Variants in ZNF417 observed in about 807,000 individuals in gnomAD.
The protein encoded by ZNF417 is zinc finger protein 417.
A neutral mutation model predicts 7.4 loss-of-function variants in ZNF417; 5 were observed. The ratio of observed to expected loss-of-function variants is 0.68; its 90% confidence interval spans 0.35 to 1.43. The LOEUF (loss-of-function observed/expected upper bound fraction) is 1.43. Among genes scored for constraint, ZNF417 ranks in the 40% most tolerant of loss-of-function variants. The pLI is 0.04. For synonymous variants in ZNF417, 147 were observed against 239.1 expected (o/e 0.61, Z 3.55); for missense variants, 437 against 697.3 (o/e 0.63, Z 4.20).
chr19:57,910,235 G>A, intron 2 of ZNF417, 121 bp from the exon 3 acceptor site: 1 of 1,475,144 alleles, frequency 6.8e-7, no homozygotes, highest in Non-Finnish European at 9.0e-7. Context: ...GGAACACAAT[G>A]TTGGCTTCAA....
chr19:57,905,933 G>C lies in ZNF417; in HGVS notation c.*2617C>G, dbSNP rs1181118372. Among the ~76,000 whole-genome samples, 2 of 152,138 alleles carry C rather than the reference G, an allele frequency of 1.3e-5. No homozygotes were observed. Among genetic ancestry groups the C allele is most frequent in the East Asian group, 3.9e-4 (2 of 5,190 alleles). On this transcript the variant is annotated 3_prime_UTR_variant, in exon 3 of 3. Transcript: ENST00000312026. ...AGACTAAAATTGCTTAGTACTGAAA[G>C]TTTTGCCTATATAAACTGTAGTTTA...
chr19:57,912,360 C>A (rs2071906741), intron 1 of ZNF417, among the ~76,000 whole-genome samples, 171 bp from the exon 2 acceptor site: 1 of 152,146 alleles, frequency 6.6e-6, no homozygotes, highest in Non-Finnish European at 1.5e-5. Flanking sequence ...CAATTGCCAT[C>A]AGCAATAAGC....
chr19:57,908,845 C>G lies in ZNF417; in HGVS notation c.1433G>C (p.Cys478Ser). ...VCGKLFGNKN[C>S]VTIHQRIHTG... is the part of the protein sequence containing the mutation. Reference sequence around the variant, plus strand: ...GTGAATCCTCTGATGTATAGTCACGCAGTTCTTATTACCAAATAATTTCCC... The same window carrying G: ...GTGAATCCTCTGATGTATAGTCACGGAGTTCTTATTACCAAATAATTTCCC... Residue 478 changes from cysteine (C) to serine (S), a missense_variant, in exon 3 of 3, where the codon TGC (cysteine) becomes TCC (serine). Around this residue, in one of 5 missense-constraint regions of ZNF417, gnomAD observed 233 missense variants for 235.5 expected, o/e 0.99. Coordinates refer to ENST00000312026, the MANE Select transcript of ZNF417 (RefSeq NM_152475.3). The G allele has an allele frequency of 5.0e-6, 8 of 1,614,162 alleles. No individual in the cohort carries two copies. Among genetic ancestry groups the G allele is most frequent in the Non-Finnish European group, 6.8e-6 (8 of 1,180,026 alleles).
rs1293996974 is a variant in ZNF417, at chr19:57,907,356, TAA to T, written c.*1192_*1193del. 1 of 153,712 alleles carries T rather than the reference TAA, an allele frequency of 6.5e-6. No individual in the cohort carries two copies. Among genetic ancestry groups the T allele is most frequent in the Non-Finnish European group, 1.5e-5 (1 of 68,216 alleles). The allele number at this position is 153,712 out of a possible 1,614,324, so 9.5% of individuals were successfully genotyped here. On this transcript the variant is annotated 3_prime_UTR_variant, in exon 3 of 3. Coordinates refer to ENST00000312026, the MANE Select transcript of ZNF417 (RefSeq NM_152475.3). Reference sequence around the variant, plus strand: ...TATGTAAAAAATGTTATAAAGACATTAAGTGTCCACTCAATAACTTTGATTCA... The same window carrying T: ...TATGTAAAAAATGTTATAAAGACATTGTGTCCACTCAATAACTTTGATTCA...
At chr19:57,915,441 C>A in intron 1 of ZNF417, 1 of 451,728 alleles carries the variant, frequency 2.2e-6, no homozygotes, top group Non-Finnish European at 4.1e-6. Flanking sequence ...ATCTCCAGGC[C>A]ATTGCCTGCG....
rs753830916 is a variant in ZNF417, at chr19:57,909,374, C to T, written c.904G>A (p.Gly302Arg). The T allele has an allele frequency of 1.1e-5, 17 of 1,614,086 alleles. No individual in the cohort carries two copies. The highest frequency in any genetic ancestry group is 4.5e-5 in the East Asian group (2 of 44,894). The change falls in exon 3 of 3, where the codon GGG becomes AGG. Residue 302 changes from glycine (G) to arginine (R), a missense_variant. Transcript: ENST00000312026. The part of the protein sequence containing the change: ...GKTAYPCEEC[G>R]KSFSQKGSLI... ...CTGCCCTTCTGACTAAAAGATTTCC[C>T]GCACTCCTCACAGGGATAAGCTGTC...
chr19:57,911,545 CAGCAGAGATGAACAGCCA>C (rs887269736), intron 2 of ZNF417, among the ~76,000 whole-genome samples: 2 of 151,994 alleles, frequency 1.3e-5, no homozygotes, highest in African/African-American at 4.8e-5. Context: ...AAGGGAGAGA[CAGCAGAGATGAACAGCCA>C]ACACTAGCTC....
Position 57,912,142 on chromosome 19 carries a change from C to T in ZNF417, c.81G>A (p.Glu27=). 1.9e-6 allele frequency: 3 copies of T among 1,612,684 alleles called. No individual in the cohort carries two copies. The highest frequency in any genetic ancestry group is 2.2e-5 in the East Asian group (1 of 44,834). ...GAGCCTCACTAAGAAGACACCACTC[C>T]TCCTGGGAAAAGTTCACAGCCACAT... ...FEDVAVNFSQ[E]EWCLLSEAQR... is the part of the protein sequence containing the mutation. The change falls in exon 2 of 3, where the codon GAG becomes GAA. Residue 27 remains glutamate (E), a synonymous_variant. Transcript: ENST00000312026.
intron 1 of ZNF417, among the ~76,000 whole-genome samples, chr19:57,913,511 G>A (rs944111212): frequency 2.0e-5 from 3 of 152,140 alleles, no homozygotes; most frequent in African/African-American, 7.2e-5. Context: ...TCACAGATGA[G>A]CATATTTTTC....
At chr19:57,910,673 G>C (rs1420801190) in intron 2 of ZNF417, among the ~76,000 whole-genome samples, 2 of 152,134 alleles carry the variant, frequency 1.3e-5, no homozygotes, top group Non-Finnish European at 2.9e-5. Flanking sequence ...AGGGAGTAGA[G>C]GCAGGGTCCA....
chr19:57,912,459 G>A (rs1240133679), intron 1 of ZNF417, among the ~76,000 whole-genome samples: 10 of 152,152 alleles, frequency 6.6e-5, no homozygotes, highest in Admixed American at 6.5e-4. Flanking sequence ...CTCATGTAAA[G>A]CCCAGGGCAG....
chr19:57,908,185 G>C lies in ZNF417; in HGVS notation c.*365C>G, dbSNP rs2071853672. 3.2e-6 allele frequency: 1 copy of C among 308,244 alleles called. No homozygotes were observed. The highest frequency in any genetic ancestry group is 6.1e-6 in the Non-Finnish European group (1 of 163,276). 19.1% of individuals were successfully genotyped at this position (308,244 alleles called of 1,614,324 possible). A position where few individuals can be genotyped will look rare whatever the true frequency, so the allele number is the denominator to read the frequency against. On this transcript the variant is annotated 3_prime_UTR_variant, in exon 3 of 3. Coordinates refer to ENST00000312026, the MANE Select transcript of ZNF417 (RefSeq NM_152475.3). ...CAGCAATCTATACGTATTGTCACTT[G>C]GGGACACTTATGATTCCACATGAAG...
Position 57,914,237 on chromosome 19 carries a change from G to C in ZNF417, c.34-2048C>G, listed in dbSNP as rs547087162. 2.0e-5 allele frequency among the ~76,000 whole-genome samples: 3 copies of C among 152,080 alleles called. No individual in the cohort carries two copies. The South Asian group carries it at 6.2e-4, about 32-fold the overall frequency. On this transcript the variant is annotated intron_variant, in intron 1 of 2. Coordinates refer to ENST00000312026, the MANE Select transcript of ZNF417 (RefSeq NM_152475.3). ...GTGATGGCTCATGTCTGTAATCCCAGCACTTTGGGAGGCTGAGGCAGGCGA... is the reference window on the plus strand; with the variant it reads ...GTGATGGCTCATGTCTGTAATCCCACCACTTTGGGAGGCTGAGGCAGGCGA...
chr19:57,915,976 A>G (rs561867051), intron 1 of ZNF417, among the ~76,000 whole-genome samples: 1 of 152,326 alleles, frequency 6.6e-6, no homozygotes, highest in African/African-American at 2.4e-5. Context: ...ACAGCATGAA[A>G]AACTCACTTT....
chr19:57,908,949 T>C lies in ZNF417; in HGVS notation c.1329A>G (p.Lys443=), dbSNP rs1379371595. The change falls in exon 3 of 3, where the codon AAA becomes AAG. Residue 443 remains lysine, a synonymous_variant. Transcript: ENST00000312026. ...GAAGATGATACTTCCTGTTAAATAA[T>C]TTCCCACATTCCCTACAATTGTAAG... The part of the protein sequence containing the change: ...ERPYNCRECG[K]LFNRKYHLLV... The C allele has an allele frequency of 1.3e-5, 21 of 1,608,464 alleles. No homozygotes were observed. The highest frequency in any genetic ancestry group is 1.8e-5 in the Non-Finnish European group (21 of 1,175,050).
At position 57,908,542 on chromosome 19, in the gene ZNF417, C is replaced by G. The variant is rs1416459022; in HGVS notation, c.*8G>C. The G allele has an allele frequency of 1.2e-6, 2 of 1,612,996 alleles. No homozygotes were observed. Among genetic ancestry groups the G allele is most frequent in the Admixed American group, 1.7e-5 (1 of 60,030 alleles). On this transcript the variant is annotated 3_prime_UTR_variant, in exon 3 of 3. Transcript: ENST00000312026. Reference sequence around the variant, plus strand: ...GTTTCAGCAAACGATTTCCCATATTCACTGCACTCATAAGGCCTTTCTCCT... The same window carrying G: ...GTTTCAGCAAACGATTTCCCATATTGACTGCACTCATAAGGCCTTTCTCCT...
Position 57,912,121 on chromosome 19 carries a change from C to A in ZNF417, c.102G>T (p.Glu34Asp). 6.2e-7 allele frequency: 1 copy of A among 1,612,752 alleles called. No homozygotes were observed. Among genetic ancestry groups the A allele is most frequent in the Admixed American group, 1.7e-5 (1 of 59,738 alleles). Residue 34 changes from glutamate (E) to aspartate (D), a missense_variant, in exon 2 of 3, where the codon GAG becomes GAT. Physicochemically the swap from Glu to Asp is conservative, Grantham distance 45 (BLOSUM62 2). Coordinates refer to ENST00000312026, the MANE Select transcript of ZNF417 (RefSeq NM_152475.3). ...FSQEEWCLLS[E>D]AQRCLYRDVM... ...CATCACGGTACAAGCACCTCTGAGC[C>A]TCACTAAGAAGACACCACTCCTCCT... is the stretch of plus-strand genomic sequence containing the variant.
rs2071824184 is a variant in ZNF417, at chr19:57,906,098, G to A, written c.*2452C>T. On this transcript the variant is annotated 3_prime_UTR_variant, in exon 3 of 3. Transcript: ENST00000312026. Reference sequence around the variant, plus strand: ...ATTTCCCAATTATAAAGGTTTTGTGGGAACATAATTGGGTGTAATAAAATA... The same window carrying A: ...ATTTCCCAATTATAAAGGTTTTGTGAGAACATAATTGGGTGTAATAAAATA... 6.6e-6 allele frequency among the ~76,000 whole-genome samples: 1 copy of A among 152,056 alleles called. No individual in the cohort carries two copies. Among genetic ancestry groups the A allele is most frequent in the South Asian group, 2.1e-4 (1 of 4,818 alleles).
Position 57,906,484 on chromosome 19 carries a change from C to T in ZNF417, c.*2066G>A, listed in dbSNP as rs1246082114. ...TATCATAGGATTTCTAGGGATAAGC[C>T]GAGTGCCGTGGCAGATGCCTGTAAT... On this transcript the variant is annotated 3_prime_UTR_variant, in exon 3 of 3. Transcript: ENST00000312026. 3.9e-5 allele frequency among the ~76,000 whole-genome samples: 6 copies of T among 151,988 alleles called. No homozygotes were observed. The highest frequency in any genetic ancestry group is 3.9e-4 in the East Asian group (2 of 5,138).
Sources: allele counts gnomAD v4.1 joint callset (sites outside exome capture counted in the v4.1 genomes callset), GRCh38; gene constraint gnomAD v4.1.1; regional missense constraint gnomAD v4.1.1; transcripts MANE v1.5; gene names NCBI Gene and HGNC (gene_info 2026-07-23, HGNC 2026-07-21).